Variants in CALN1 observed in about 807,000 individuals in gnomAD.
CALN1 encodes calneuron 1.
In CALN1, 17 loss-of-function variants were observed where a neutral mutation model predicts 30.6. The observed-to-expected ratio is 0.56, with a 90% CI of 0.38 to 0.83. The LOEUF (loss-of-function observed/expected upper bound fraction) is 0.83. CALN1 is among the 40% of genes least tolerant of loss of function. The pLI is 0.00. For synonymous variants in CALN1, 156 were observed against 131.4 expected (o/e 1.19, Z -1.28); for missense variants, 291 against 354.9 (o/e 0.82, Z 1.45).
intron 6 of CALN1, among the ~76,000 whole-genome samples, chr7:71,805,239 A>G (rs1242866792): frequency 6.6e-6 from 1 of 152,086 alleles, no homozygotes; most frequent in South Asian, 2.1e-4. Context: ...GATGGCAAAG[A>G]CCTTCCTAAT....
intron 2 of CALN1, among the ~76,000 whole-genome samples, chr7:72,397,439 T>C (rs755234413): frequency 6.6e-6 from 1 of 152,090 alleles, no homozygotes; most frequent in Non-Finnish European, 1.5e-5. Context: ...TGTTGCCTGG[T>C]CATCTCCATG....
chr7:72,410,766 TACAC>T (rs1375713747), intron 1 of CALN1, among the ~76,000 whole-genome samples: 3 of 152,110 alleles, frequency 2.0e-5, no homozygotes, highest in Admixed American at 6.6e-5. Flanking sequence ...TGAACATAAA[TACAC>T]ACACCTCCGT....
intron 4 of CALN1, among the ~76,000 whole-genome samples, chr7:72,087,194 A>G (rs954019583): frequency 6.6e-6 from 1 of 152,184 alleles, no homozygotes; most frequent in African/African-American, 2.4e-5. Flanking sequence ...TAAATGTTTC[A>G]CCCACTGAAA....
intron 2 of CALN1, among the ~76,000 whole-genome samples, chr7:72,307,122 T>A (rs901318971): frequency 2.0e-5 from 3 of 152,170 alleles, no homozygotes; most frequent in Admixed American, 6.5e-5. Flanking sequence ...TAATTTTTTT[T>A]AAACTCAAAT....
chr7:72,266,879 T>C (rs1257287896), intron 3 of CALN1, among the ~76,000 whole-genome samples: 3 of 152,174 alleles, frequency 2.0e-5, no homozygotes, highest in African/African-American at 7.2e-5. Context: ...CCACAAAAGA[T>C]ATCTTTCTCA....
intron 5 of CALN1, among the ~76,000 whole-genome samples, chr7:71,943,742 A>C (rs1324429078): frequency 2.0e-5 from 3 of 152,146 alleles, no homozygotes; most frequent in Non-Finnish European, 4.4e-5. Flanking sequence ...AGGCCAGGCC[A>C]AAACAATGTT....
chr7:72,180,607 CTTT>C (rs150600925), intron 3 of CALN1, among the ~76,000 whole-genome samples: 4 of 90,002 alleles, frequency 4.4e-5, no homozygotes, highest in African/African-American at 4.8e-5. Context: ...GCTTTTTTTT[CTTT>C]TTTTTTTTTT....
chr7:72,042,452 T>C (rs1802187940), intron 4 of CALN1, among the ~76,000 whole-genome samples: 1 of 152,062 alleles, frequency 6.6e-6, no homozygotes. Flanking sequence ...TAACAACGAG[T>C]AGCGGCAATA....
intron 2 of CALN1, among the ~76,000 whole-genome samples, chr7:72,312,838 A>T (rs1219224584): frequency 6.7e-6 from 1 of 149,054 alleles, no homozygotes; most frequent in East Asian, 2.0e-4. Context: ...CCCTATCATA[A>T]TTTTTTTTTT....
At chr7:72,124,208 T>TGC (rs1808584991) in intron 3 of CALN1, among the ~76,000 whole-genome samples, 1 of 152,062 alleles carries the variant, frequency 6.6e-6, no homozygotes, top group South Asian at 2.1e-4. Context: ...TGAAGGTAAA[T>TGC]AGTGTGGTAA....
At chr7:72,179,918 G>T (rs1789637990) in intron 3 of CALN1, among the ~76,000 whole-genome samples, 1 of 152,092 alleles carries the variant, frequency 6.6e-6, no homozygotes, top group African/African-American at 2.4e-5. Context: ...ATAATTCTCA[G>T]GATTAAAAAT....
At chr7:72,365,471 G>A (rs1024812986) in intron 2 of CALN1, among the ~76,000 whole-genome samples, 1 of 152,022 alleles carries the variant, frequency 6.6e-6, no homozygotes, top group Non-Finnish European at 1.5e-5. Context: ...TTTGAATAGG[G>A]TCTGGCTTTT....
chr7:71,893,687 T>C (rs895993084), intron 5 of CALN1, among the ~76,000 whole-genome samples: 2 of 151,198 alleles, frequency 1.3e-5, no homozygotes, highest in African/African-American at 2.4e-5. Context: ...CAAGACTCTG[T>C]CTTGAATACA....
At chr7:72,218,688 A>G (rs1465798534) in intron 3 of CALN1, among the ~76,000 whole-genome samples, 1 of 152,214 alleles carries the variant, frequency 6.6e-6, no homozygotes, top group Non-Finnish European at 1.5e-5. Context: ...TTCAAAGAAG[A>G]GAAAACCATT....
chr7:72,221,617 G>A (rs915949736), intron 3 of CALN1, among the ~76,000 whole-genome samples: 3 of 152,162 alleles, frequency 2.0e-5, no homozygotes, highest in African/African-American at 7.2e-5. Context: ...GAGGCTGGAC[G>A]CAGTGGCTCA....
intron 5 of CALN1, among the ~76,000 whole-genome samples, chr7:71,943,032 T>C (rs1293779669): frequency 1.3e-5 from 2 of 152,216 alleles, no homozygotes; most frequent in East Asian, 3.9e-4. Context: ...CGAACCAATG[T>C]ACTTCTTACA....
chr7:71,957,091 C>T (rs1319144552), intron 5 of CALN1, among the ~76,000 whole-genome samples: 4 of 151,926 alleles, frequency 2.6e-5, no homozygotes, highest in Non-Finnish European at 5.9e-5. Flanking sequence ...AATGAGACAC[C>T]GAGAGAAGCT....
At chr7:72,231,895 T>C (rs1794131237) in intron 3 of CALN1, among the ~76,000 whole-genome samples, 2 of 152,142 alleles carry the variant, frequency 1.3e-5, no homozygotes, top group African/African-American at 4.8e-5. Context: ...TCAATTTGTT[T>C]AGCAGCATGT....
intron 5 of CALN1, among the ~76,000 whole-genome samples, chr7:71,843,483 C>G (rs1790061131): frequency 6.6e-6 from 1 of 152,070 alleles, no homozygotes; most frequent in African/African-American, 2.4e-5. Context: ...AATAGCCAGG[C>G]ATGGTAGTGT....
Sources: gnomAD v4.1 joint callset for allele counts (sites outside exome capture counted in the v4.1 genomes callset) on GRCh38, gnomAD v4.1.1 for gene constraint, MANE v1.5 for transcripts, NCBI Gene and HGNC (gene_info 2026-07-23, HGNC 2026-07-21) for gene names.